The following ITGB3 variants were observed in gnomAD, a reference collection of about 807,000 sequenced individuals.
ITGB3 encodes integrin beta-3.
A neutral mutation model predicts 85.8 loss-of-function variants in ITGB3; 48 were observed. The observed-to-expected ratio is 0.56, with a 90% confidence interval of 0.44 to 0.71. The LOEUF (loss-of-function observed/expected upper bound fraction) is 0.71, where lower values mean the gene tolerates loss of function less well. Ranked by LOEUF, ITGB3 falls within the 30% of genes least tolerant of loss-of-function variation. The probability of loss-of-function intolerance (pLI) is 0.00; values close to 1 mark genes in which losing one functional copy is unlikely to be tolerated. For synonymous variants in ITGB3, 363 were observed against 395.6 expected (o/e 0.92, Z 0.98); for missense variants, 861 against 1,019.1 (o/e 0.84, Z 2.11).
chr17:47,271,484 G>C (rs1820388517), intron 1 of ITGB3, among the ~76,000 whole-genome samples: 1 of 152,332 alleles, frequency 6.6e-6, no homozygotes, highest in South Asian at 2.1e-4. Context: ...TCAAAGGAAT[G>C]CTGAAATGAA....
chr17:47,269,532 C>A (rs775350252), intron 1 of ITGB3, among the ~76,000 whole-genome samples: 6 of 152,204 alleles, frequency 3.9e-5, no homozygotes, highest in Non-Finnish European at 7.3e-5. Flanking sequence ...ACCTTTACTC[C>A]AGTTCCCAAT....
chr17:47,259,439 T>C (rs2065001600), intron 1 of ITGB3: 1 of 152,134 alleles, frequency 6.6e-6, no homozygotes, highest in South Asian at 2.1e-4. Context: ...ATTTCTGTTT[T>C]TCTGTCATGT....
intron 3 of ITGB3, among the ~76,000 whole-genome samples, chr17:47,283,789 G>A (rs116593509): frequency 1.3e-4 from 20 of 152,348 alleles, no homozygotes; most frequent in African/African-American, 4.8e-4. Flanking sequence ...CCTTGGACAA[G>A]TTACTTAACC....
Position 47,289,730 on chromosome 17 carries a change from T to C in ITGB3, c.989T>C (p.Ile330Thr). 6.2e-7 allele frequency: 1 copy of C among 1,614,108 alleles called. No individual in the cohort carries two copies. Among genetic ancestry groups the C allele is most frequent in the Non-Finnish European group, 8.5e-7 (1 of 1,179,968 alleles). The change falls in exon 7 of 15, where the codon ATC becomes ACC. Residue 330 changes from isoleucine (I) to threonine (T), a missense_variant. Transcript: ENST00000559488. ...LMTEKLSQKN[I>T]NLIFAVTENV... ...ACTGAGAAGCTATCCCAGAAAAACA[T>C]CAATTTGATCTTTGCAGTGACTGAA...
rs1171770732 is a variant in ITGB3 at position 47,313,705 on chromosome 17, T to C, written c.*3501T>C. Reference sequence around the variant, plus strand: ...TTCCTAACCACCTTCTCTGTTTGGGTTTGTGCAACAGTAAATTAAATGTAC... The same window carrying C: ...TTCCTAACCACCTTCTCTGTTTGGGCTTGTGCAACAGTAAATTAAATGTAC... On this transcript the variant is annotated 3_prime_UTR_variant, in exon 15 of 15. Transcript: ENST00000559488. Among the ~76,000 whole-genome samples the C allele has an allele frequency of 6.6e-6, 1 of 152,172 alleles. No homozygotes were observed. Among genetic ancestry groups the C allele is most frequent in the Non-Finnish European group, 1.5e-5 (1 of 68,028 alleles).
rs2099828833 is a variant in ITGB3 at position 47,287,362 on chromosome 17, T to C, written c.939+131T>C. 3 of 948,898 alleles carry C rather than the reference T, an allele frequency of 3.2e-6. No homozygotes were observed. The Admixed American group carries it at 5.8e-5, about 18-fold the overall frequency. 58.8% of individuals were successfully genotyped at this position (948,898 alleles called of 1,614,324 possible). ...CAGGGTGCAGGGCTCGGTTCCAGCTTGCCCCTATCCCTTACCAACTGGACA... is the reference window on the plus strand; with the variant it reads ...CAGGGTGCAGGGCTCGGTTCCAGCTCGCCCCTATCCCTTACCAACTGGACA... On this transcript the variant is annotated intron_variant, in intron 6 of 14. Transcript: ENST00000559488.
intron 6 of ITGB3, among the ~76,000 whole-genome samples, chr17:47,287,434 T>C (rs1432036282): frequency 6.6e-6 from 1 of 152,206 alleles, no homozygotes; most frequent in Non-Finnish European, 1.5e-5. Context: ...ATGTCCCTGA[T>C]TGTGGTGTTA....
At chr17:47,276,827 T>A (rs1008538404) in intron 2 of ITGB3, among the ~76,000 whole-genome samples, 1 of 152,200 alleles carries the variant, frequency 6.6e-6, no homozygotes, top group Non-Finnish European at 1.5e-5. Flanking sequence ...CCTTGGACAT[T>A]GACTTCAAAA....
intron 1 of ITGB3, among the ~76,000 whole-genome samples, chr17:47,260,124 C>T (rs966376276): frequency 6.6e-5 from 10 of 151,992 alleles, no homozygotes; most frequent in African/African-American, 2.4e-4. Context: ...TATAGTACTT[C>T]CTTTTATATA....
At chr17:47,257,257 A>G (rs1275074745) in intron 1 of ITGB3, among the ~76,000 whole-genome samples, 3 of 152,190 alleles carry the variant, frequency 2.0e-5, no homozygotes, top group Non-Finnish European at 4.4e-5. Context: ...TTTCCCCCAC[A>G]TATGTGAGAG....
intron 9 of ITGB3, 25 bp from the exon 10 acceptor site, chr17:47,292,114 A>C: frequency 6.2e-7 from 1 of 1,613,230 alleles, no homozygotes; most frequent in Non-Finnish European, 8.5e-7. Context: ...AACTGTGTCT[A>C]AATACAATCT....
intron 10 of ITGB3, among the ~76,000 whole-genome samples, chr17:47,295,624 G>GA (rs1346504447): frequency 1.3e-5 from 2 of 152,138 alleles, no homozygotes; most frequent in Non-Finnish European, 2.9e-5. Flanking sequence ...TCTTGTCAAA[G>GA]ATCACTTTGT....
At chr17:47,289,229 G>A (rs1299102089) in intron 6 of ITGB3, among the ~76,000 whole-genome samples, 1 of 152,140 alleles carries the variant, frequency 6.6e-6, no homozygotes, top group Non-Finnish European at 1.5e-5. Context: ...GGAAGAAAGA[G>A]GTGCTTAGTT....
intron 10 of ITGB3, among the ~76,000 whole-genome samples, chr17:47,296,228 G>T (rs1963440052): frequency 1.3e-5 from 2 of 152,172 alleles, no homozygotes; most frequent in Non-Finnish European, 1.5e-5. Context: ...GGGCAGCTTG[G>T]GTTATGTCCG....
rs145010932 is a variant in ITGB3, at chr17:47,307,511, A to C, written c.2175A>C (p.Ser725=). Residue 725 remains serine, a synonymous_variant, in exon 14 of 15, where the codon TCA becomes TCC. Transcript: ENST00000559488. ...KGPDILVVLL[S]VMGAILLIGL... ...CTGACATCCTGGTGGTCCTGCTCTC[A>C]GTGATGGGGGCCATTCTGCTCATTG... 1.2e-6 allele frequency: 2 copies of C among 1,614,170 alleles called. No homozygotes were observed. Among genetic ancestry groups the C allele is most frequent in the Middle Eastern group, 1.7e-4 (1 of 6,054 alleles).
At chr17:47,261,506 A>G (rs1194584814) in intron 1 of ITGB3, among the ~76,000 whole-genome samples, 3 of 150,762 alleles carry the variant, frequency 2.0e-5, no homozygotes, top group African/African-American at 7.3e-5. Context: ...ATAATCAATA[A>G]TAGGATCATT....
intron 1 of ITGB3, among the ~76,000 whole-genome samples, chr17:47,258,681 A>C (rs1281579672): frequency 6.6e-6 from 1 of 152,034 alleles, no homozygotes; most frequent in Non-Finnish European, 1.5e-5. Context: ...GAGCTCAGGC[A>C]ATCTGCCCAC....
Position 47,313,181 on chromosome 17 carries a change from C to G in ITGB3, c.*2977C>G, listed in dbSNP as rs1296160392. ...TAGAGACGGGGTTTCACCATGTTGG[C>G]CAGGCTGGTCTCGAACTCCTGACCT... On this transcript the variant is annotated 3_prime_UTR_variant, in exon 15 of 15. Transcript: ENST00000559488. Among the ~76,000 whole-genome samples the G allele has an allele frequency of 6.6e-6, 1 of 151,190 alleles. No homozygotes were observed. The highest frequency in any genetic ancestry group is 1.5e-5 in the Non-Finnish European group (1 of 67,800).
At chr17:47,307,189 T>C (rs2065191823) in intron 13 of ITGB3, among the ~76,000 whole-genome samples, 1 of 151,830 alleles carries the variant, frequency 6.6e-6, no homozygotes, top group Non-Finnish European at 1.5e-5. Flanking sequence ...TGGTGTTCTC[T>C]TCTTTGTGTT....
Sources: allele counts gnomAD v4.1 joint callset (sites outside exome capture counted in the v4.1 genomes callset), GRCh38; gene constraint gnomAD v4.1.1; transcripts MANE v1.5; gene names NCBI Gene and HGNC (gene_info 2026-07-23, HGNC 2026-07-21).